The following ESRP1 variants were observed in gnomAD, a reference collection of about 807,000 sequenced individuals.
The protein encoded by ESRP1 is RNA-binding motif protein 35A.
ESRP1 carries 33 observed loss-of-function variants against 81.7 expected under a neutral mutation model. The ratio of observed to expected loss-of-function variants is 0.40; its 90% CI spans 0.31 to 0.54. The LOEUF is 0.54. Ranked by LOEUF, ESRP1 falls within the 20% of genes least tolerant of loss-of-function variation. The probability of loss-of-function intolerance (pLI) is 0.41; values close to 1 mark genes in which losing one functional copy is unlikely to be tolerated. For missense variants in ESRP1, 672 were observed against 833.1 expected, an observed-to-expected ratio of 0.81 and a Z score of 2.38; for synonymous variants, 320 against 303.3, an observed-to-expected ratio of 1.06 and a Z score of -0.57.
At chr8:94,674,827 C>T (rs532397963) in intron 12 of ESRP1, among the ~76,000 whole-genome samples, 10 of 152,216 alleles carry the variant, frequency 6.6e-5, no homozygotes, top group Admixed American at 3.9e-4. Flanking sequence ...AATTTTAGTA[C>T]GCATTTAAAG....
Position 94,668,221 on chromosome 8 carries a change from T to C in ESRP1, c.1204T>C (p.Phe402Leu). ...GTTGGGTAAAAGATACATTGAACTCTTCAGGAGCACAGCAGCTGAAGTTCA... is the reference window on the plus strand; with the variant it reads ...GTTGGGTAAAAGATACATTGAACTCCTCAGGAGCACAGCAGCTGAAGTTCA... ...DLLGKRYIEL[F>L]RSTAAEVQQV... The change falls in exon 10 of 16, where the codon TTC (phenylalanine) becomes CTC (leucine). Residue 402 changes from phenylalanine (F) to leucine (L), a missense_variant. Physicochemically the swap from Phe to Leu is conservative, Grantham distance 22 (BLOSUM62 0). Transcript: ENST00000433389. 6.3e-7 allele frequency: 1 copy of C among 1,596,538 alleles called. No homozygotes were observed. Among genetic ancestry groups the C allele is most frequent in the East Asian group, 2.2e-5 (1 of 44,506 alleles).
At chr8:94,697,565 A>T (rs1194650253) in intron 15 of ESRP1, among the ~76,000 whole-genome samples, 1 of 152,212 alleles carries the variant, frequency 6.6e-6, no homozygotes, top group African/African-American at 2.4e-5. Context: ...ATAACATTTC[A>T]TTGCATGGAC....
intron 15 of ESRP1, among the ~76,000 whole-genome samples, chr8:94,698,281 A>G (rs1365130160): frequency 6.6e-6 from 1 of 152,154 alleles, no homozygotes; most frequent in Non-Finnish European, 1.5e-5. Context: ...TCCCCAGCCT[A>G]TGGTAACTAC....
At chr8:94,664,665 T>C in intron 6 of ESRP1, 32 bp from the exon 7 acceptor site, 3 of 1,531,200 alleles carry the variant, frequency 2.0e-6, no homozygotes, top group Non-Finnish European at 2.7e-6. Flanking sequence ...CTAGCATTTA[T>C]CATGCAACCT....
intron 15 of ESRP1, among the ~76,000 whole-genome samples, chr8:94,699,543 G>A (rs965897051): frequency 2.0e-5 from 3 of 152,116 alleles, no homozygotes; most frequent in African/African-American, 7.2e-5. Flanking sequence ...CGGAGGCTGA[G>A]GTAGGAGGGT....
intron 13 of ESRP1, among the ~76,000 whole-genome samples, chr8:94,685,372 T>C (rs188860041): frequency 3.0e-4 from 45 of 152,266 alleles, no homozygotes; most frequent in African/African-American, 1.1e-3. Context: ...GAGAAATTTG[T>C]GGATAGTCCA....
chr8:94,691,129 C>G (rs576452893), intron 13 of ESRP1, among the ~76,000 whole-genome samples: 3 of 152,230 alleles, frequency 2.0e-5, no homozygotes, highest in Admixed American at 6.5e-5. Context: ...TCACAGTTGC[C>G]CATAAATTGA....
rs1410772378 is a variant in ESRP1 at position 94,642,217 on chromosome 8, C to T, written c.261+133C>T. On this transcript the variant is annotated intron_variant, in intron 2 of 15. Transcript: ENST00000433389. ...GCCTGCCCGGCCGCGTGGGTGGGAGCCCAGCCTGAGGGCCGGGGCGCACCG... is the reference window on the plus strand; with the variant it reads ...GCCTGCCCGGCCGCGTGGGTGGGAGTCCAGCCTGAGGGCCGGGGCGCACCG... 4.2e-5 allele frequency: 48 copies of T among 1,147,844 alleles called. No homozygotes were observed. The Admixed American group carries it at 1.2e-3, about 28-fold the overall frequency. The allele number at this position is 1,147,844 out of a possible 1,614,324, so 71.1% of individuals were successfully genotyped here. A position where few individuals can be genotyped will look rare whatever the true frequency, so the allele number is the denominator to read the frequency against.
chr8:94,704,555 G>A (rs1398260386), intron 15 of ESRP1, among the ~76,000 whole-genome samples: 1 of 152,010 alleles, frequency 6.6e-6, no homozygotes, highest in Admixed American at 6.6e-5. Context: ...CTCGAGGCCT[G>A]GAGTTTGAGA....
At chr8:94,656,456 T>C (rs1404042148) in intron 4 of ESRP1, among the ~76,000 whole-genome samples, 4 of 151,514 alleles carry the variant, frequency 2.6e-5, no homozygotes, top group South Asian at 2.1e-4. Context: ...CTCCTGACCT[T>C]GTGATCCGCC....
chr8:94,700,652 G>A (rs766723706), intron 15 of ESRP1, among the ~76,000 whole-genome samples: 8 of 152,250 alleles, frequency 5.3e-5, no homozygotes, highest in Non-Finnish European at 8.8e-5. Context: ...TAAGAGGGCC[G>A]GGTGTAGTGG....
chr8:94,678,439 GCT>G, intron 13 of ESRP1, 68 bp downstream of exon 13: 1 of 1,537,228 alleles, frequency 6.5e-7, no homozygotes, highest in South Asian at 1.2e-5. Context: ...CAGTGCAAGA[GCT>G]CACAAAAGAA....
rs1388735719 is a variant in ESRP1 at position 94,674,494 on chromosome 8, T to A, written c.1639T>A (p.Cys547Ser). 1 of 1,612,658 alleles carries A rather than the reference T, an allele frequency of 6.2e-7. No individual in the cohort carries two copies. Among genetic ancestry groups the A allele is most frequent in the South Asian group, 1.1e-5 (1 of 91,000 alleles). ...LNRNGLSPPPCKLPCLSPPSY... is the reference protein window; with the variant it reads ...LNRNGLSPPPSKLPCLSPPSY... ...TCGAAATGGCTTATCCCCACCGCCA[T>A]GTAAGTTACCATGTAAGTTTTTCTT... Residue 547 changes from cysteine to serine, a missense_variant, in exon 12 of 16, where the codon TGT becomes AGT. Transcript: ENST00000433389.
At chr8:94,645,344 T>C (rs1817791498) in intron 3 of ESRP1, among the ~76,000 whole-genome samples, 2 of 152,118 alleles carry the variant, frequency 1.3e-5, no homozygotes, top group African/African-American at 2.4e-5. Context: ...ATTAACACAA[T>C]TTCAAAATTT....
At chr8:94,670,654 T>C (rs1171739478) in intron 10 of ESRP1, among the ~76,000 whole-genome samples, 1 of 152,254 alleles carries the variant, frequency 6.6e-6, no homozygotes, top group African/African-American at 2.4e-5. Flanking sequence ...TGGCATGCTC[T>C]GAGACAAAAG....
At chr8:94,645,088 T>C (rs1210065291) in intron 3 of ESRP1, among the ~76,000 whole-genome samples, 2 of 152,170 alleles carry the variant, frequency 1.3e-5, no homozygotes, top group East Asian at 3.9e-4. Context: ...TCCTTACAAA[T>C]AGCTTTTAAA....
intron 13 of ESRP1, among the ~76,000 whole-genome samples, chr8:94,682,932 A>ATATATATATAATTT (rs1808974140): frequency 5.5e-5 from 1 of 18,092 alleles, no homozygotes; most frequent in African/African-American, 3.5e-4. Context: ...ATATATATAT[A>ATATATATATAATTT]TTTTTTTTTT....
chr8:94,704,451 AATATAT>A (rs764620328), intron 15 of ESRP1, among the ~76,000 whole-genome samples: 1 of 151,794 alleles, frequency 6.6e-6, no homozygotes, highest in African/African-American at 2.4e-5. Context: ...CCATCTCTAA[AATATAT>A]ATATATCTCT....
intron 4 of ESRP1, among the ~76,000 whole-genome samples, chr8:94,657,575 T>G (rs553180853): frequency 2.8e-4 from 42 of 151,526 alleles, no homozygotes; most frequent in Non-Finnish European, 4.7e-4. Context: ...GCACCACTCA[T>G]CCTGGTGTGA....
Sources: allele counts gnomAD v4.1 joint callset (sites outside exome capture counted in the v4.1 genomes callset), GRCh38; gene constraint gnomAD v4.1.1; transcripts MANE v1.5; gene names NCBI Gene and HGNC (gene_info 2026-07-23, HGNC 2026-07-21).